DOCK11: variants seen among roughly 807,000 people sequenced by gnomAD.
DOCK11 encodes dedicator of cytokinesis 11.
In DOCK11, 70 loss-of-function variants were observed where a neutral mutation model predicts 169.1. That is an observed-to-expected ratio of 0.41 (90% CI 0.34 to 0.51). The LOEUF (loss-of-function observed/expected upper bound fraction) is 0.51. Among genes scored for constraint, DOCK11 ranks in the 20% least tolerant of loss-of-function variants. The pLI, the probability that DOCK11 is intolerant of heterozygous loss-of-function variation, is 0.10. For synonymous variants in DOCK11, 529 were observed against 541.3 expected (o/e 0.98, Z 0.32); for missense variants, 1,166 against 1,538.8 (o/e 0.76, Z 4.05).
intron 23 of DOCK11, among the ~76,000 whole-genome samples, chrX:118,600,321 C>T (rs907926641): frequency 8.3e-5 from 9 of 108,841 alleles, no homozygotes; most frequent in Non-Finnish European, 1.3e-4. Flanking sequence ...GCAGGAGAAT[C>T]GCTTGAACCT....
Position 118,572,305 on chromosome X carries a change from A to C in DOCK11, c.1036-18A>C. The C allele has an allele frequency of 8.9e-7, 1 of 1,127,326 alleles. No homozygotes were observed. Among genetic ancestry groups the C allele is most frequent in the Non-Finnish European group, 1.2e-6 (1 of 843,889 alleles). The allele number at this position is 1,127,326 out of a possible 1,213,427, so 92.9% of individuals were successfully genotyped here. ...TCCCATCTTTTTTTGAAAATGATTC[A>C]TACTATCTCTTTTATAGAGGTTGGA... On this transcript the variant is annotated intron_variant, in intron 10 of 52. Coordinates refer to ENST00000276202, the MANE Select transcript of DOCK11 (RefSeq NM_144658.4).
chrX:118,615,926 C>T (rs2014800754), intron 30 of DOCK11, among the ~76,000 whole-genome samples: 1 of 111,738 alleles, frequency 8.9e-6, no homozygotes, highest in Non-Finnish European at 1.9e-5. Context: ...TAGATTGCTG[C>T]TTAAACACAG....
At chrX:118,534,932 A>T (rs1180396457) in intron 1 of DOCK11, among the ~76,000 whole-genome samples, 2 of 111,627 alleles carry the variant, frequency 1.8e-5, no homozygotes, top group East Asian at 5.6e-4. Flanking sequence ...TCCCCCAAGT[A>T]AAAGACCTAA....
intron 35 of DOCK11, among the ~76,000 whole-genome samples, 198 bp from the exon 36 acceptor site, chrX:118,636,148 C>A (rs1027782346): frequency 9.0e-6 from 1 of 111,551 alleles, no homozygotes; most frequent in Non-Finnish European, 1.9e-5. Context: ...GAACTAATTA[C>A]CAATTAAATG....
At chrX:118,584,483 G>A (rs1294279397) in intron 14 of DOCK11, among the ~76,000 whole-genome samples, 2 of 112,174 alleles carry the variant, frequency 1.8e-5, no homozygotes, top group East Asian at 5.5e-4. Flanking sequence ...TAAATTGGCT[G>A]TGAACATTTA....
chrX:118,516,564 C>T (rs1478798460), intron 1 of DOCK11, among the ~76,000 whole-genome samples: 2 of 109,659 alleles, frequency 1.8e-5, no homozygotes, highest in East Asian at 2.9e-4. Context: ...ACCTCAGCCT[C>T]CCTAGTAGCT....
chrX:118,643,778 A>G (rs912768331), intron 40 of DOCK11, among the ~76,000 whole-genome samples, 184 bp downstream of exon 40: 4 of 111,888 alleles, frequency 3.6e-5, no homozygotes, highest in African/African-American at 1.3e-4. Flanking sequence ...AACCCCCTCA[A>G]ATCAGAAGCT....
chrX:118,624,522 C>T lies in DOCK11; in HGVS notation c.3472-17C>T, dbSNP rs1292252364. The stretch of plus-strand genomic sequence containing the variant: ...ACATATTATATACGTATTAAGCTTT[C>T]AATAATTATTTTTCAGAACCAACAA... On this transcript the variant is annotated splice_polypyrimidine_tract_variant and intron_variant, in intron 31 of 52. Coordinates refer to ENST00000276202, the MANE Select transcript of DOCK11 (RefSeq NM_144658.4). The T allele has an allele frequency of 9.4e-7, 1 of 1,065,554 alleles. No homozygotes were observed. Among genetic ancestry groups the T allele is most frequent in the Non-Finnish European group, 1.3e-6 (1 of 765,830 alleles). 87.8% of individuals were successfully genotyped at this position (1,065,554 alleles called of 1,213,427 possible). A position where few individuals can be genotyped will look rare whatever the true frequency, so the allele number is the denominator to read the frequency against.
intron 1 of DOCK11, among the ~76,000 whole-genome samples, chrX:118,524,553 G>T: frequency 9.0e-6 from 1 of 111,348 alleles, no homozygotes; most frequent in Non-Finnish European, 1.9e-5. Context: ...CAACAAACTT[G>T]ATTTAAGTCA....
intron 19 of DOCK11, among the ~76,000 whole-genome samples, chrX:118,592,084 A>C (rs1165302561): frequency 9.3e-6 from 1 of 107,798 alleles, no homozygotes; most frequent in African/African-American, 3.4e-5. Flanking sequence ...ATAGTGCCGC[A>C]ATAAACATAC....
chrX:118,535,430 T>C (rs913906923), intron 1 of DOCK11, among the ~76,000 whole-genome samples: 1 of 112,163 alleles, frequency 8.9e-6, no homozygotes, highest in African/African-American at 3.2e-5. Flanking sequence ...CAATGCTTAA[T>C]GTAAGTGGTA....
intron 23 of DOCK11, among the ~76,000 whole-genome samples, chrX:118,601,277 A>T (rs1423743730): frequency 9.1e-6 from 1 of 109,660 alleles, no homozygotes; most frequent in Non-Finnish European, 1.9e-5. Context: ...TACAAAAATT[A>T]GCCGGGCATA....
At chrX:118,606,940 A>G (rs1345063861) in intron 24 of DOCK11, among the ~76,000 whole-genome samples, 2 of 109,234 alleles carry the variant, frequency 1.8e-5, no homozygotes, top group Admixed American at 9.8e-5. Flanking sequence ...TCTTACCCCC[A>G]ATTATAGTTC....
At chrX:118,506,823 C>T (rs2057615911) in intron 1 of DOCK11, among the ~76,000 whole-genome samples, 1 of 112,040 alleles carries the variant, frequency 8.9e-6, no homozygotes, top group South Asian at 3.7e-4. Context: ...ATGGCTAGTG[C>T]CTAAAATGCC....
intron 1 of DOCK11, among the ~76,000 whole-genome samples, chrX:118,511,489 T>A (rs2057650828): frequency 8.9e-6 from 1 of 112,373 alleles, no homozygotes; most frequent in Admixed American, 9.5e-5. Flanking sequence ...AAATCTTTTT[T>A]AGAAAATGGT....
intron 16 of DOCK11, among the ~76,000 whole-genome samples, chrX:118,587,564 G>A (rs1407186885): frequency 8.9e-6 from 1 of 111,892 alleles, no homozygotes; most frequent in Non-Finnish European, 1.9e-5. Context: ...CTACAGTGAC[G>A]ATTTCAATAA....
At chrX:118,546,186 T>C (rs1782029932) in intron 6 of DOCK11, 70 bp downstream of exon 6, 1 of 234,107 alleles carries the variant, frequency 4.3e-6, no homozygotes, top group South Asian at 1.3e-4. Flanking sequence ...CTGGAAACAA[T>C]ATTTATTTTA....
chrX:118,621,029 A>C (rs1356313107), intron 31 of DOCK11, among the ~76,000 whole-genome samples: 1 of 112,828 alleles, frequency 8.9e-6, no homozygotes, highest in African/African-American at 3.2e-5. Flanking sequence ...TTAAATTCTT[A>C]GAGCAGTGTG....
chrX:118,673,117 A>G (rs372762278), intron 46 of DOCK11, among the ~76,000 whole-genome samples: 7 of 111,946 alleles, frequency 6.3e-5, no homozygotes, highest in African/African-American at 2.3e-4. Flanking sequence ...TCTTAGGATG[A>G]AGGAAGTTCT....
Sources: allele counts gnomAD v4.1 joint callset (sites outside exome capture counted in the v4.1 genomes callset), GRCh38; gene constraint gnomAD v4.1.1; transcripts MANE v1.5; gene names NCBI Gene and HGNC (gene_info 2026-07-23, HGNC 2026-07-21).